OSBPL8: variants seen among roughly 807,000 people sequenced by gnomAD.
OSBPL8 encodes the protein oxysterol-binding protein-related protein 8.
In OSBPL8, 59 loss-of-function variants were observed where a neutral mutation model predicts 125.5. The observed-to-expected ratio is 0.47, with a 90% CI of 0.38 to 0.58. OSBPL8 has a LOEUF of 0.58. OSBPL8 is among the 20% of genes least tolerant of loss of function. OSBPL8 has a pLI of 0.00. For missense variants in OSBPL8, 758 were observed against 1,047.8 expected (o/e 0.72, Z 3.82); for synonymous variants, 330 against 338.9 (o/e 0.97, Z 0.29).
chr12:76,544,142 A>T (rs1284943204), intron 1 of OSBPL8, among the ~76,000 whole-genome samples: 1 of 152,224 alleles, frequency 6.6e-6, no homozygotes, highest in Non-Finnish European at 1.5e-5. Context: ...ACTAGTTTCA[A>T]GTTGCCATCC....
chr12:76,526,635 C>CTTTTTTTT lies in OSBPL8; in HGVS notation c.-68+32754_-68+32761dup, dbSNP rs573409160. 3.1e-4 allele frequency among the ~76,000 whole-genome samples: 20 copies of CTTTTTTTT among 64,260 alleles called. 1 individual carries two copies. The highest frequency in any genetic ancestry group is 1.6e-3 in the South Asian group (2 of 1,262). 42.2% of individuals were successfully genotyped at this position (64,260 alleles called of 152,430 possible). A position where few individuals can be genotyped will look rare whatever the true frequency, so the allele number is the denominator to read the frequency against. On this transcript the variant is annotated intron_variant, in intron 1 of 23. Coordinates refer to ENST00000261183, the MANE Select transcript of OSBPL8 (RefSeq NM_020841.5). The stretch of plus-strand genomic sequence containing the variant: ...TGTTATACTTGCTATCAGTAAATCT[C>CTTTTTTTT]TTTTTTTTTTTTTTTTTTTTTTTTT...
chr12:76,493,235 C>T (rs1228091198), intron 1 of OSBPL8, among the ~76,000 whole-genome samples: 4 of 152,208 alleles, frequency 2.6e-5, no homozygotes, highest in African/African-American at 9.6e-5. Flanking sequence ...GTAAGCTTTA[C>T]ACCAAAGCTC....
At chr12:76,509,266 G>C (rs1049096834) in intron 1 of OSBPL8, among the ~76,000 whole-genome samples, 1 of 152,074 alleles carries the variant, frequency 6.6e-6, no homozygotes, top group Non-Finnish European at 1.5e-5. Context: ...ACACCACCTA[G>C]GTTTGTGTAT....
chr12:76,407,670 T>C (rs1954328856), intron 5 of OSBPL8, among the ~76,000 whole-genome samples: 1 of 152,350 alleles, frequency 6.6e-6, no homozygotes, highest in African/African-American at 2.4e-5. Context: ...AATAATATGA[T>C]GAGTATAATT....
At chr12:76,356,465 A>G (rs1290869095) in intron 23 of OSBPL8, among the ~76,000 whole-genome samples, 161 bp downstream of exon 23, 4 of 151,972 alleles carry the variant, frequency 2.6e-5, no homozygotes, top group Admixed American at 1.3e-4. Context: ...GTGCTGGAGG[A>G]ATTTCGTAAG....
At chr12:76,498,614 C>T (rs1049772580) in intron 1 of OSBPL8, among the ~76,000 whole-genome samples, 2 of 152,038 alleles carry the variant, frequency 1.3e-5, no homozygotes, top group African/African-American at 4.8e-5. Flanking sequence ...ATTTTATAAG[C>T]TCTCATTTGA....
At chr12:76,542,032 G>A (rs1391768262) in intron 1 of OSBPL8, among the ~76,000 whole-genome samples, 2 of 151,794 alleles carry the variant, frequency 1.3e-5, no homozygotes, top group East Asian at 3.9e-4. Context: ...TTAGCCAGGC[G>A]TGGTGGCACA....
chr12:76,464,686 C>T (rs1875181266), intron 2 of OSBPL8, among the ~76,000 whole-genome samples: 2 of 152,158 alleles, frequency 1.3e-5, no homozygotes, highest in African/African-American at 4.8e-5. Flanking sequence ...ATGAAGTAAT[C>T]CCACGCAATC....
At position 76,402,780 on chromosome 12, in the gene OSBPL8, G is replaced by A. The variant is rs1259502061; in HGVS notation, c.289-14C>T. On this transcript the variant is annotated splice_polypyrimidine_tract_variant and intron_variant, in intron 5 of 23. Transcript: ENST00000261183. ...TTTAGATTCAGACTGAAATCATACA[G>A]AAACAAGAGAAATTAAATCCTTCAG... The A allele has an allele frequency of 2.7e-6, 4 of 1,504,326 alleles. No homozygotes were observed. Among genetic ancestry groups the A allele is most frequent in the Non-Finnish European group, 2.7e-6 (3 of 1,091,110 alleles). The allele number at this position is 1,504,326 out of a possible 1,614,324, so 93.2% of individuals were successfully genotyped here.
At chr12:76,520,759 A>C (rs1278238348) in intron 1 of OSBPL8, among the ~76,000 whole-genome samples, 1 of 152,192 alleles carries the variant, frequency 6.6e-6, no homozygotes, top group Non-Finnish European at 1.5e-5. Flanking sequence ...CGGAGGAATG[A>C]AAGAAAAAAA....
In OSBPL8 at chr12:76,521,539, G is replaced by T. The variant is rs186381929; in HGVS notation, c.-67-33921C>A. Among the ~76,000 whole-genome samples, 72 of 152,270 alleles carry T rather than the reference G, an allele frequency of 4.7e-4. 1 individual carries two copies. The highest frequency in any genetic ancestry group is 1.6e-3 in the African/African-American group (67 of 41,546). On this transcript the variant is annotated intron_variant, in intron 1 of 23. Transcript: ENST00000261183. ...CAGAATTATTCACAATAACTAAAAT[G>T]TGGAAACAACCCATCAACAAATGAA...
At chr12:76,408,472 A>T (rs1413213452) in intron 5 of OSBPL8, among the ~76,000 whole-genome samples, 6 of 151,394 alleles carry the variant, frequency 4.0e-5, no homozygotes, top group Admixed American at 4.0e-4. Flanking sequence ...AAAAAAAAAA[A>T]AAAAAAAAAA....
intron 4 of OSBPL8, among the ~76,000 whole-genome samples, chr12:76,441,640 T>A (rs1872192026): frequency 6.6e-6 from 1 of 152,110 alleles, no homozygotes; most frequent in South Asian, 2.1e-4. Context: ...TAATAGTTGA[T>A]CATTTTTTAA....
At chr12:76,509,961 T>C in intron 1 of OSBPL8, among the ~76,000 whole-genome samples, 1 of 152,182 alleles carries the variant, frequency 6.6e-6, no homozygotes, top group South Asian at 2.1e-4. Context: ...CAAAGGTAGG[T>C]AGATATTCCC....
Position 76,508,365 on chromosome 12 carries a change from A to C in OSBPL8, c.-67-20747T>G, listed in dbSNP as rs572754929. ...ATAAGGATGTTACAGTCAAGAACAGACTGCATGTATGGCAGTGGTCTCATT... is the reference window on the plus strand; with the variant it reads ...ATAAGGATGTTACAGTCAAGAACAGCCTGCATGTATGGCAGTGGTCTCATT... On this transcript the variant is annotated intron_variant, in intron 1 of 23. Coordinates refer to ENST00000261183, the MANE Select transcript of OSBPL8 (RefSeq NM_020841.5). 9.6e-4 allele frequency among the ~76,000 whole-genome samples: 146 copies of C among 152,320 alleles called. 2 individuals carry two copies. The South Asian group carries it at 9.9e-3, about 10-fold the overall frequency.
At chr12:76,451,062 A>G (rs1385262579) in intron 3 of OSBPL8, 74 bp from the exon 4 acceptor site, 10 of 1,457,796 alleles carry the variant, frequency 6.9e-6, no homozygotes, top group Non-Finnish European at 9.2e-6. Context: ...ATAACATGGA[A>G]TAAGATCAAA....
rs72247585 is a variant in OSBPL8, at chr12:76,386,271, TAA to T, written c.1435-7_1435-6del. The T allele has an allele frequency of 1.1e-3, 1,566 of 1,466,650 alleles. No homozygotes were observed. Among genetic ancestry groups the T allele is most frequent in the South Asian group, 2.8e-3 (207 of 73,554 alleles). 90.9% of individuals were successfully genotyped at this position (1,466,650 alleles called of 1,614,324 possible). ...ATTATAAGGTTTCTTCAGTCCCTGG[TAA>T]AAAAAAAAAAAAGCAATTTCAAATT... On this transcript the variant is annotated splice_region_variant and splice_polypyrimidine_tract_variant and intron_variant, in intron 13 of 23. Transcript: ENST00000261183.
chr12:76,373,249 T>C, intron 18 of OSBPL8, 95 bp downstream of exon 18: 1 of 781,398 alleles, frequency 1.3e-6, no homozygotes, highest in Non-Finnish European at 2.0e-6. Flanking sequence ...ATAGTGATGT[T>C]TTCAGCAACG....
At position 76,397,700 on chromosome 12, in the gene OSBPL8, T is replaced by C; in HGVS notation, c.666A>G (p.Ala222=). The part of the protein sequence containing the change: ...LFHPLEQSIW[A]VKGPKGEAVG... ...GTAACAAGGGCTTACATACCTTCAC[T>C]GCCCAAATAGATTGCTCCAAAGGAT... Residue 222 remains alanine, a synonymous_variant, in exon 8 of 24, where the codon GCA becomes GCG. Coordinates refer to ENST00000261183, the MANE Select transcript of OSBPL8 (RefSeq NM_020841.5). 1 of 1,613,870 alleles carries C rather than the reference T, an allele frequency of 6.2e-7. No homozygotes were observed.
Sources: allele counts gnomAD v4.1 joint callset (sites outside exome capture counted in the v4.1 genomes callset), GRCh38; gene constraint gnomAD v4.1.1; transcripts MANE v1.5; gene names NCBI Gene and HGNC (gene_info 2026-07-23, HGNC 2026-07-21).